Variants in RANBP2 observed in about 807,000 individuals in gnomAD.
RANBP2 encodes the protein E3 SUMO-protein ligase RanBP2.
Under a neutral mutation model 303.6 loss-of-function variants are expected in RANBP2, and 57 were observed. The ratio of observed to expected loss-of-function variants is 0.19; its 90% CI spans 0.15 to 0.23. RANBP2 has a LOEUF of 0.23. Ranked by LOEUF, RANBP2 falls within the 10% of genes least tolerant of loss-of-function variation. The pLI is 1.00. For synonymous variants in RANBP2, 1,167 were observed against 1,301.5 expected (o/e 0.90, Z 2.23); for missense variants, 3,138 against 3,780.8 (o/e 0.83, Z 4.46).
At chr2:109,015,884 C>T in the RANBP2 span, among the ~76,000 whole-genome samples, 1 of 152,176 alleles carries the variant, frequency 6.6e-6, no homozygotes, top group Non-Finnish European at 1.5e-5. Flanking sequence ...GCTTATCAGT[C>T]GTTAAGTTTT....
the RANBP2 span, among the ~76,000 whole-genome samples, chr2:109,251,818 A>AT: frequency 2.6e-5 from 4 of 152,200 alleles, no homozygotes; most frequent in Non-Finnish European, 5.9e-5. Flanking sequence ...AATATTTAAT[A>AT]TTTTTAATAC....
At chr2:109,379,300 A>G in the RANBP2 span, among the ~76,000 whole-genome samples, 1 of 152,240 alleles carries the variant, frequency 6.6e-6, no homozygotes, top group Admixed American at 6.5e-5. Context: ...TTCAGTGCCA[A>G]AGTAATAATC....
the RANBP2 span, among the ~76,000 whole-genome samples, chr2:109,533,333 T>C: frequency 5.9e-5 from 9 of 152,344 alleles, no homozygotes; most frequent in Middle Eastern, 3.4e-3. Flanking sequence ...GGACGTCTGT[T>C]TATCTTTTTT....
the RANBP2 span, among the ~76,000 whole-genome samples, chr2:109,066,111 A>ATTT: frequency 7.5e-6 from 1 of 133,158 alleles, no homozygotes; most frequent in African/African-American, 2.8e-5. Context: ...CTAATTCTGT[A>ATTT]TTTTTTTTTT....
At chr2:109,184,189 C>T in the RANBP2 span, among the ~76,000 whole-genome samples, 1 of 152,168 alleles carries the variant, frequency 6.6e-6, no homozygotes, top group Non-Finnish European at 1.5e-5. Flanking sequence ...AAATCCATAT[C>T]TCCTCCCAGG....
the RANBP2 span, among the ~76,000 whole-genome samples, chr2:109,005,180 T>C: frequency 6.6e-6 from 1 of 152,236 alleles, no homozygotes; most frequent in South Asian, 2.1e-4. Flanking sequence ...CAAAACAGAC[T>C]ATTAACATGG....
At chr2:109,434,286 G>A in the RANBP2 span, among the ~76,000 whole-genome samples, 1 of 152,238 alleles carries the variant, frequency 6.6e-6, no homozygotes, top group Non-Finnish European at 1.5e-5. Flanking sequence ...GTTATATGAG[G>A]AGGCAGGTTC....
At chr2:108,817,799 T>TAC in the RANBP2 span, among the ~76,000 whole-genome samples, 4 of 152,236 alleles carry the variant, frequency 2.6e-5, no homozygotes, top group African/African-American at 9.6e-5. Flanking sequence ...CTTCTGAACC[T>TAC]ACAGAAGTGT....
At chr2:108,957,018 G>A in the RANBP2 span, among the ~76,000 whole-genome samples, 41 of 152,298 alleles carry the variant, frequency 2.7e-4, no homozygotes, top group African/African-American at 7.5e-4. Context: ...TCAAACTCCC[G>A]ACCTCAGGTG....
chr2:109,172,167 C>T, the RANBP2 span, among the ~76,000 whole-genome samples: 76,096 of 152,090 alleles, frequency 0.5, 19,951 homozygotes, highest in South Asian at 0.61. Context: ...TGGAATATGC[C>T]GATGAGTGAG....
At chr2:109,563,940 G>C in the RANBP2 span, among the ~76,000 whole-genome samples, 1 of 152,258 alleles carries the variant, frequency 6.6e-6, no homozygotes, top group Non-Finnish European at 1.5e-5. Context: ...GGGCAACATA[G>C]TAAGACCCTG....
At chr2:109,308,940 G>C in the RANBP2 span, among the ~76,000 whole-genome samples, 1 of 81,262 alleles carries the variant, frequency 1.2e-5, no homozygotes. Flanking sequence ...CTTTAAAGTA[G>C]TTTTTTCCAA....
At chr2:109,529,312 C>G in the RANBP2 span, among the ~76,000 whole-genome samples, 1 of 152,146 alleles carries the variant, frequency 6.6e-6, no homozygotes, top group Non-Finnish European at 1.5e-5. Context: ...GACAGCCAGC[C>G]AGGAGTGCAG....
the RANBP2 span, among the ~76,000 whole-genome samples, chr2:109,208,032 G>A: frequency 3.3e-5 from 5 of 152,202 alleles, no homozygotes; most frequent in Non-Finnish European, 7.3e-5. Context: ...ACTTTAGCAT[G>A]CGATTTGTTA....
the RANBP2 span, among the ~76,000 whole-genome samples, chr2:109,365,715 A>G: frequency 6.6e-6 from 1 of 152,208 alleles, no homozygotes; most frequent in Admixed American, 6.5e-5. Flanking sequence ...CTTCTTATCA[A>G]GGAACATTTA....
chr2:108,966,466 C>A, the RANBP2 span, among the ~76,000 whole-genome samples: 79,704 of 152,152 alleles, frequency 0.52, 26,157 homozygotes, highest in South Asian at 0.78. Context: ...TATGCCTCAT[C>A]TCGCGGGCCC....
At chr2:109,413,568 C>T in the RANBP2 span, among the ~76,000 whole-genome samples, 2 of 152,164 alleles carry the variant, frequency 1.3e-5, no homozygotes, top group African/African-American at 4.8e-5. Flanking sequence ...GTCTCTCCCG[C>T]TCTAGAATGG....
chr2:109,423,241 G>A, the RANBP2 span, among the ~76,000 whole-genome samples: 1 of 152,112 alleles, frequency 6.6e-6, no homozygotes, highest in African/African-American at 2.4e-5. Flanking sequence ...GGGAATCGTG[G>A]CCAGCGGTTT....
chr2:109,453,794 C>T, the RANBP2 span, among the ~76,000 whole-genome samples: 4 of 152,164 alleles, frequency 2.6e-5, no homozygotes, highest in African/African-American at 9.7e-5. Context: ...CGTGTGGGAA[C>T]AGAGGGTCAC....
Sources: allele counts gnomAD v4.1 joint callset (sites outside exome capture counted in the v4.1 genomes callset), GRCh38; gene constraint gnomAD v4.1.1; transcripts MANE v1.5; gene names NCBI Gene and HGNC (gene_info 2026-07-23, HGNC 2026-07-21).